ZSWIM6: variants seen among roughly 807,000 people sequenced by gnomAD.
The protein encoded by ZSWIM6 is zinc finger SWIM-type containing 6, also known as zinc finger SWIM domain-containing protein 6.
In ZSWIM6, 9 loss-of-function variants were observed where a neutral mutation model predicts 113.2. The ratio of observed to expected loss-of-function variants is 0.08; its 90% CI spans 0.05 to 0.14. The LOEUF is 0.14. Ranked by LOEUF, ZSWIM6 falls within the 10% of genes least tolerant of loss-of-function variation. ZSWIM6 has a pLI of 1.00. For missense variants in ZSWIM6, 1,162 were observed against 1,552.2 expected (o/e 0.75, Z 4.22); for synonymous variants, 611 against 606.5 (o/e 1.01, Z -0.11).
intron 9 of ZSWIM6, among the ~76,000 whole-genome samples, chr5:61,534,689 CT>C (rs145701858): frequency 0.1 from 15,854 of 152,082 alleles, 1,148 homozygotes; most frequent in Admixed American, 0.19. Context: ...TTTTAAAAGT[CT>C]ATGTTGCCGT....
intron 1 of ZSWIM6, among the ~76,000 whole-genome samples, chr5:61,457,259 A>T (rs1434363427): frequency 6.6e-6 from 1 of 152,226 alleles, no homozygotes; most frequent in African/African-American, 2.4e-5. Context: ...CAAAGAAATT[A>T]GTTTGAATTA....
chr5:61,537,757 T>C (rs191748900), intron 10 of ZSWIM6, among the ~76,000 whole-genome samples: 1 of 152,324 alleles, frequency 6.6e-6, no homozygotes, highest in East Asian at 1.9e-4. Context: ...CTGACTCTTC[T>C]TGGTCTCCAG....
At chr5:61,386,813 G>T (rs917800698) in intron 1 of ZSWIM6, among the ~76,000 whole-genome samples, 1 of 152,154 alleles carries the variant, frequency 6.6e-6, no homozygotes, top group Non-Finnish European at 1.5e-5. Flanking sequence ...AAATCCCTTT[G>T]TGTGGGTTTT....
At chr5:61,402,190 A>G (rs1745952133) in intron 1 of ZSWIM6, among the ~76,000 whole-genome samples, 1 of 152,214 alleles carries the variant, frequency 6.6e-6, no homozygotes, top group Non-Finnish European at 1.5e-5. Context: ...CTTTTAGTGT[A>G]AAGTATCAAG....
intron 1 of ZSWIM6, chr5:61,391,237 T>G: frequency 4.4e-6 from 4 of 909,584 alleles, no homozygotes; most frequent in Non-Finnish European, 5.6e-6. Context: ...CTTGTCCTGC[T>G]CAAACACTTG....
intron 1 of ZSWIM6, among the ~76,000 whole-genome samples, chr5:61,404,443 C>G (rs116405035): frequency 1.5e-3 from 230 of 152,328 alleles, no homozygotes; most frequent in Non-Finnish European, 2.9e-3. Context: ...TCCAGCTCCT[C>G]TAAGCCATGG....
intron 1 of ZSWIM6, among the ~76,000 whole-genome samples, chr5:61,432,038 A>G (rs1333786938): frequency 6.6e-6 from 1 of 152,150 alleles, no homozygotes; most frequent in Non-Finnish European, 1.5e-5. Context: ...TTTAAAATTC[A>G]TGTCTTCAAA....
intron 1 of ZSWIM6, among the ~76,000 whole-genome samples, chr5:61,404,132 C>T (rs1435509941): frequency 6.6e-6 from 1 of 152,036 alleles, no homozygotes; most frequent in Non-Finnish European, 1.5e-5. Flanking sequence ...CTCAGCCTCC[C>T]GAGCAGCTGG....
intron 1 of ZSWIM6, among the ~76,000 whole-genome samples, chr5:61,336,687 G>A (rs1297860648): frequency 2.0e-5 from 3 of 151,796 alleles, no homozygotes; most frequent in African/African-American, 7.3e-5. Flanking sequence ...CCCGGGAAGC[G>A]GAGGTTGCAG....
intron 4 of ZSWIM6, among the ~76,000 whole-genome samples, chr5:61,513,379 T>G (rs551095562): frequency 6.6e-6 from 1 of 152,238 alleles, no homozygotes; most frequent in South Asian, 2.1e-4. Context: ...TCCAAGTCCT[T>G]TATCACATGT....
At chr5:61,517,821 T>C (rs1385811395) in intron 4 of ZSWIM6, among the ~76,000 whole-genome samples, 1 of 151,434 alleles carries the variant, frequency 6.6e-6, no homozygotes, top group Non-Finnish European at 1.5e-5. Flanking sequence ...TACTTTTAAG[T>C]TTTAGGGTAC....
intron 13 of ZSWIM6, 79 bp downstream of exon 13, chr5:61,542,044 T>C (rs941266857): frequency 7.7e-7 from 1 of 1,297,196 alleles, no homozygotes. Context: ...CATGTGAACA[T>C]ATTCACTCTT....
intron 1 of ZSWIM6, among the ~76,000 whole-genome samples, chr5:61,374,830 C>T (rs1414507046): frequency 1.3e-5 from 2 of 152,278 alleles, no homozygotes; most frequent in African/African-American, 4.8e-5. Flanking sequence ...GTTGGGATTA[C>T]AGGCGTGAGC....
chr5:61,436,533 G>A (rs1384214207), intron 1 of ZSWIM6, among the ~76,000 whole-genome samples: 1 of 152,116 alleles, frequency 6.6e-6, no homozygotes, highest in Non-Finnish European at 1.5e-5. Context: ...AGCTTTTCTG[G>A]TCTGATGATA....
chr5:61,542,745 G>A (rs1749775687), intron 13 of ZSWIM6, among the ~76,000 whole-genome samples: 2 of 152,094 alleles, frequency 1.3e-5, no homozygotes, highest in Non-Finnish European at 2.9e-5. Flanking sequence ...TCATGCTTTA[G>A]TGAAGCAAAA....
intron 1 of ZSWIM6, among the ~76,000 whole-genome samples, chr5:61,427,783 C>T (rs1746491816): frequency 6.6e-6 from 1 of 152,058 alleles, no homozygotes; most frequent in African/African-American, 2.4e-5. Flanking sequence ...GCCAGGATCC[C>T]TCAAATATTT....
intron 1 of ZSWIM6, among the ~76,000 whole-genome samples, chr5:61,430,254 T>C (rs991904723): frequency 5.9e-5 from 9 of 152,182 alleles, no homozygotes; most frequent in Non-Finnish European, 1.3e-4. Context: ...TTTCATGACA[T>C]TGTAGAATAT....
At chr5:61,469,767 T>TTGGCTCAC (rs1214514209) in intron 1 of ZSWIM6, among the ~76,000 whole-genome samples, 1 of 152,078 alleles carries the variant, frequency 6.6e-6, no homozygotes, top group Non-Finnish European at 1.5e-5. Context: ...TGGTGCAATC[T>TTGGCTCAC]TGGCTCACTG....
At chr5:61,523,177 G>A (rs1749178669) in intron 5 of ZSWIM6, among the ~76,000 whole-genome samples, 1 of 152,200 alleles carries the variant, frequency 6.6e-6, no homozygotes, top group African/African-American at 2.4e-5. Flanking sequence ...GTTCATACCT[G>A]TAGTGCCCTT....
Sources: gnomAD v4.1 joint callset for allele counts (sites outside exome capture counted in the v4.1 genomes callset) on GRCh38, gnomAD v4.1.1 for gene constraint, MANE v1.5 for transcripts, NCBI Gene and HGNC (gene_info 2026-07-23, HGNC 2026-07-21) for gene names.